The following PTPRD variants were observed in gnomAD, a reference collection of about 807,000 sequenced individuals.
The protein encoded by PTPRD is receptor-type tyrosine-protein phosphatase delta.
PTPRD carries 34 observed loss-of-function variants against 214.5 expected under a neutral mutation model. The observed-to-expected ratio is 0.16, with a 90% confidence interval of 0.12 to 0.21. The LOEUF (loss-of-function observed/expected upper bound fraction) is 0.21, where lower values mean the gene tolerates loss of function less well. Ranked by LOEUF, PTPRD falls within the 10% of genes least tolerant of loss-of-function variation. The pLI is 1.00. For missense variants in PTPRD, 2,545 were observed against 2,398.7 expected (o/e 1.06, Z -1.27); for synonymous variants, 1,128 against 845.7 (o/e 1.33, Z -5.79).
intron 2 of PTPRD, among the ~76,000 whole-genome samples, chr9:10,521,162 T>A (rs758833058): frequency 3.9e-5 from 6 of 151,942 alleles, no homozygotes; most frequent in Non-Finnish European, 5.9e-5. Context: ...TTGTGACTCA[T>A]GGGAGCAGAT....
At chr9:8,654,416 G>C (rs1403940886) in intron 12 of PTPRD, among the ~76,000 whole-genome samples, 1 of 152,152 alleles carries the variant, frequency 6.6e-6, no homozygotes, top group Non-Finnish European at 1.5e-5. Flanking sequence ...CAAGGATCAT[G>C]CTTCCACTAA....
chr9:10,460,293 G>A (rs1256506036), intron 2 of PTPRD, among the ~76,000 whole-genome samples: 2 of 151,904 alleles, frequency 1.3e-5, no homozygotes, highest in African/African-American at 4.8e-5. Flanking sequence ...CTGTTAAAAT[G>A]TTAACACTAC....
chr9:10,083,885 C>T (rs1036584809), intron 3 of PTPRD, among the ~76,000 whole-genome samples: 6 of 151,994 alleles, frequency 3.9e-5, no homozygotes, highest in Non-Finnish European at 7.4e-5. Context: ...ATGCTCACCT[C>T]TTGCTATTTG....
chr9:9,256,474 A>T (rs2099977752), intron 9 of PTPRD, among the ~76,000 whole-genome samples: 1 of 151,638 alleles, frequency 6.6e-6, no homozygotes, highest in Non-Finnish European at 1.5e-5. Context: ...TCTTGCCTAA[A>T]AGATTTAAAC....
intron 9 of PTPRD, among the ~76,000 whole-genome samples, chr9:9,362,386 A>C (rs892605606): frequency 6.6e-6 from 1 of 151,196 alleles, no homozygotes; most frequent in African/African-American, 2.4e-5. Flanking sequence ...GTTAAGGGAA[A>C]AAAACAACAT....
intron 11 of PTPRD, among the ~76,000 whole-genome samples, chr9:8,762,772 G>C (rs1477314381): frequency 6.6e-6 from 1 of 152,126 alleles, no homozygotes; most frequent in Admixed American, 6.5e-5. Context: ...CTTTATGGCA[G>C]GGAGAAATTT....
intron 3 of PTPRD, among the ~76,000 whole-genome samples, chr9:10,195,668 T>C (rs1472528659): frequency 6.6e-6 from 1 of 152,094 alleles, no homozygotes; most frequent in African/African-American, 2.4e-5. Context: ...CCAAAAATAA[T>C]TCAAGGTTAT....
chr9:10,201,893 A>C (rs1376367476), intron 3 of PTPRD, among the ~76,000 whole-genome samples: 4 of 145,428 alleles, frequency 2.8e-5, no homozygotes, highest in African/African-American at 8.3e-5. Context: ...TACAATTTTC[A>C]GTAAACTTTT....
chr9:9,389,305 G>A (rs2064994735), intron 9 of PTPRD, among the ~76,000 whole-genome samples: 1 of 152,198 alleles, frequency 6.6e-6, no homozygotes, highest in African/African-American at 2.4e-5. Context: ...GAGATTGGGA[G>A]CTTGAGACCA....
intron 5 of PTPRD, among the ~76,000 whole-genome samples, chr9:9,908,101 GA>G (rs2078119392): frequency 6.6e-6 from 1 of 150,474 alleles, no homozygotes; most frequent in Non-Finnish European, 1.5e-5. Context: ...TCTTAGAATA[GA>G]AATGAGAAAA....
chr9:8,728,069 G>C (rs946455875), intron 12 of PTPRD, among the ~76,000 whole-genome samples: 8 of 151,824 alleles, frequency 5.3e-5, no homozygotes, highest in African/African-American at 1.9e-4. Flanking sequence ...CCAATATGGA[G>C]AAACCCTGTC....
chr9:8,787,337 A>T (rs1205884888), intron 11 of PTPRD, among the ~76,000 whole-genome samples: 1 of 152,162 alleles, frequency 6.6e-6, no homozygotes, highest in Non-Finnish European at 1.5e-5. Flanking sequence ...AGCTGCTTTG[A>T]GGATTATTAT....
intron 9 of PTPRD, among the ~76,000 whole-genome samples, chr9:9,304,277 G>A (rs1167128563): frequency 1.3e-5 from 2 of 152,106 alleles, no homozygotes; most frequent in Admixed American, 6.6e-5. Context: ...GATGAATGGG[G>A]AGTCATAGGT....
intron 3 of PTPRD, among the ~76,000 whole-genome samples, chr9:10,314,017 A>G (rs918817682): frequency 6.6e-6 from 1 of 151,942 alleles, no homozygotes; most frequent in Non-Finnish European, 1.5e-5. Context: ...GGACGTGATG[A>G]TACAGGAGTG....
intron 5 of PTPRD, among the ~76,000 whole-genome samples, chr9:9,891,567 A>T (rs2073343807): frequency 6.6e-6 from 1 of 152,034 alleles, no homozygotes; most frequent in Non-Finnish European, 1.5e-5. Context: ...GTACTTTCAG[A>T]TTTAACTATT....
chr9:9,296,313 T>C (rs1217001888), intron 9 of PTPRD, among the ~76,000 whole-genome samples: 2 of 151,740 alleles, frequency 1.3e-5, no homozygotes, highest in Non-Finnish European at 2.9e-5. Flanking sequence ...GTACTGTCAG[T>C]GGAACCTAGG....
intron 7 of PTPRD, among the ~76,000 whole-genome samples, chr9:9,642,137 T>C (rs895567922): frequency 2.7e-5 from 4 of 146,702 alleles, no homozygotes; most frequent in Non-Finnish European, 6.0e-5. Flanking sequence ...AAATTGGAAA[T>C]CATCATTCTC....
chr9:9,098,907 G>A (rs2099787457), intron 10 of PTPRD, among the ~76,000 whole-genome samples: 1 of 152,136 alleles, frequency 6.6e-6, no homozygotes, highest in South Asian at 2.1e-4. Context: ...GAAAACAACT[G>A]TGATATCTCT....
intron 2 of PTPRD, among the ~76,000 whole-genome samples, chr9:10,546,561 A>T (rs2060216968): frequency 1.3e-5 from 2 of 152,028 alleles, no homozygotes; most frequent in South Asian, 4.1e-4. Context: ...AAAGTGAGGA[A>T]AGAACAAATA....
Sources: allele counts gnomAD v4.1 joint callset (sites outside exome capture counted in the v4.1 genomes callset), GRCh38; gene constraint gnomAD v4.1.1; transcripts MANE v1.5; gene names NCBI Gene and HGNC (gene_info 2026-07-23, HGNC 2026-07-21).